DLGAP2: variants seen among roughly 807,000 people sequenced by gnomAD.
DLGAP2 encodes the protein disks large-associated protein 2.
A neutral mutation model predicts 100.3 loss-of-function variants in DLGAP2; 26 were observed. The observed-to-expected ratio is 0.26, with a 90% confidence interval of 0.19 to 0.36. DLGAP2 has a LOEUF of 0.36. DLGAP2 is among the 10% of genes least tolerant of loss of function. The probability of loss-of-function intolerance (pLI) is 1.00; values close to 1 mark genes in which losing one functional copy is unlikely to be tolerated. For synonymous variants in DLGAP2, 886 were observed against 630.1 expected (o/e 1.41, Z -6.08); for missense variants, 1,858 against 1,453.2 (o/e 1.28, Z -4.53).
chr8:1,129,605 G>T (rs964486027), intron 2 of DLGAP2, among the ~76,000 whole-genome samples: 1 of 152,152 alleles, frequency 6.6e-6, no homozygotes, highest in Non-Finnish European at 1.5e-5. Flanking sequence ...GGAAGCCTGA[G>T]TTTGCCAGTG....
At chr8:881,093 T>C (rs1427399117) in intron 1 of DLGAP2, among the ~76,000 whole-genome samples, 1 of 152,264 alleles carries the variant, frequency 6.6e-6, no homozygotes, top group Non-Finnish European at 1.5e-5. Flanking sequence ...TTGCGAAGAT[T>C]ACATAAAAAT....
chr8:1,093,786 A>G (rs138257053), intron 2 of DLGAP2, among the ~76,000 whole-genome samples: 1 of 152,244 alleles, frequency 6.6e-6, no homozygotes, highest in Non-Finnish European at 1.5e-5. Context: ...AGGTGAATAC[A>G]CGACATCAGC....
chr8:1,622,075 C>T (rs1408800328), intron 6 of DLGAP2: 1 of 152,230 alleles, frequency 6.6e-6, no homozygotes, highest in Non-Finnish European at 1.5e-5. Flanking sequence ...GAAAGGTGTT[C>T]TAAGAATTTC....
intron 4 of DLGAP2, among the ~76,000 whole-genome samples, chr8:1,535,265 C>G (rs1339972051): frequency 6.6e-6 from 1 of 152,234 alleles, no homozygotes; most frequent in African/African-American, 2.4e-5. Context: ...TGAATTGAGC[C>G]TGGCAGCTGA....
chr8:870,853 G>T (rs1036707433), intron 1 of DLGAP2, among the ~76,000 whole-genome samples: 1 of 152,100 alleles, frequency 6.6e-6, no homozygotes, highest in Non-Finnish European at 1.5e-5. Flanking sequence ...TTCCCTCACC[G>T]CTGATAAGGA....
intron 2 of DLGAP2, among the ~76,000 whole-genome samples, chr8:1,149,676 A>T (rs1796665520): frequency 6.6e-6 from 1 of 152,214 alleles, no homozygotes; most frequent in Non-Finnish European, 1.5e-5. Flanking sequence ...CATGACATCC[A>T]GGAATTTCAT....
At position 1,386,524 on chromosome 8, in the gene DLGAP2, C is replaced by A. The variant is rs530432175; in HGVS notation, c.107-114842C>A. On this transcript the variant is annotated intron_variant, in intron 3 of 14. Coordinates refer to ENST00000637795, the MANE Select transcript of DLGAP2 (RefSeq NM_001346810.2). The stretch of plus-strand genomic sequence containing the variant: ...TGGAGAAGTGGTGGCTGCTCCGGAG[C>A]TCCAGGCACAGGCACACCACCGGCC... Among the ~76,000 whole-genome samples the A allele has an allele frequency of 6.6e-5, 10 of 152,222 alleles. 1 individual carries two copies. The highest frequency in any genetic ancestry group is 2.4e-4 in the African/African-American group (10 of 41,548).
chr8:1,012,732 C>G (rs1335563396), intron 2 of DLGAP2, among the ~76,000 whole-genome samples: 2 of 121,860 alleles, frequency 1.6e-5, no homozygotes, highest in Non-Finnish European at 3.5e-5. Context: ...GTCCGACCGG[C>G]CCCCCCACTT....
At chr8:1,372,429 G>A (rs1802264219) in intron 3 of DLGAP2, among the ~76,000 whole-genome samples, 1 of 152,328 alleles carries the variant, frequency 6.6e-6, no homozygotes, top group African/African-American at 2.4e-5. Flanking sequence ...CTCTCCTGGT[G>A]TGGGGAAGAC....
intron 3 of DLGAP2, among the ~76,000 whole-genome samples, chr8:1,420,664 T>A (rs528183736): frequency 8.5e-5 from 13 of 152,136 alleles, no homozygotes; most frequent in Non-Finnish European, 1.9e-4. Context: ...TCCGACTGCA[T>A]TCCCTCTCGC....
rs566254828 is a variant in DLGAP2, at chr8:758,736, A to AT, written c.18+20917dup. On this transcript the variant is annotated intron_variant, in intron 1 of 14. Transcript: ENST00000637795. ...ACCACCACACCTGGCTAATTTTTGT[A>AT]TTTTTTGTAGAAATGTGGTCTTGCC... 8.6e-5 allele frequency among the ~76,000 whole-genome samples: 13 copies of AT among 151,934 alleles called. No individual in the cohort carries two copies. In the East Asian group the frequency reaches 2.3e-3, roughly 27 times the overall value.
At chr8:1,072,008 C>T (rs544970426) in intron 2 of DLGAP2, among the ~76,000 whole-genome samples, 82 of 152,260 alleles carry the variant, frequency 5.4e-4, no homozygotes, top group African/African-American at 1.9e-3. Flanking sequence ...CCAGCGCTGC[C>T]TGGGCCTTGA....
chr8:1,176,385 C>G lies in DLGAP2; in HGVS notation c.74-82466C>G, dbSNP rs116059895. 5.4e-3 allele frequency among the ~76,000 whole-genome samples: 825 copies of G among 152,000 alleles called. 12 individuals are homozygous for G. Among genetic ancestry groups the G allele is most frequent in the African/African-American group, 0.019 (796 of 41,466 alleles). ...TTTGGGTGGGGACACAGAGCCAAAC[C>G]ATATCACCAGAGTTTCTGTGAGCTC... On this transcript the variant is annotated intron_variant, in intron 2 of 14. Coordinates refer to ENST00000637795, the MANE Select transcript of DLGAP2 (RefSeq NM_001346810.2).
intron 2 of DLGAP2, among the ~76,000 whole-genome samples, chr8:916,084 A>C (rs1165552161): frequency 6.6e-6 from 1 of 151,468 alleles, no homozygotes; most frequent in Non-Finnish European, 1.5e-5. Flanking sequence ...CCGTCCGTCC[A>C]TCTGTCCCAG....
At chr8:1,519,840 G>A (rs1458554330) in intron 4 of DLGAP2, among the ~76,000 whole-genome samples, 3 of 152,256 alleles carry the variant, frequency 2.0e-5, no homozygotes, top group East Asian at 1.9e-4. Context: ...CGGCAGGGCC[G>A]CCCATGGCTT....
At chr8:1,018,215 C>T (rs1801526585) in intron 2 of DLGAP2, among the ~76,000 whole-genome samples, 1 of 152,130 alleles carries the variant, frequency 6.6e-6, no homozygotes, top group African/African-American at 2.4e-5. Flanking sequence ...CCGTCCTCAG[C>T]TTGTCCCTGC....
chr8:1,543,708 C>CA (rs1418049230), intron 4 of DLGAP2, among the ~76,000 whole-genome samples: 1 of 152,066 alleles, frequency 6.6e-6, no homozygotes, highest in Non-Finnish European at 1.5e-5. Context: ...TGCACTTCTG[C>CA]AAAAAAGCCA....
At chr8:946,296 C>G (rs1411683184) in intron 2 of DLGAP2, among the ~76,000 whole-genome samples, 2 of 149,808 alleles carry the variant, frequency 1.3e-5, no homozygotes, top group Non-Finnish European at 3.0e-5. Flanking sequence ...GACAGTCTCA[C>G]TCTGTCATCC....
chr8:747,005 G>T (rs148856192), intron 1 of DLGAP2, among the ~76,000 whole-genome samples: 6 of 152,226 alleles, frequency 3.9e-5, no homozygotes, highest in African/African-American at 1.4e-4. Context: ...CACCATGTCC[G>T]AGCCAGTGGC....
Sources: allele counts gnomAD v4.1 joint callset (sites outside exome capture counted in the v4.1 genomes callset), GRCh38; gene constraint gnomAD v4.1.1; transcripts MANE v1.5; gene names NCBI Gene and HGNC (gene_info 2026-07-23, HGNC 2026-07-21).